Variants in C10orf67 observed in about 807,000 individuals in gnomAD.
C10orf67 encodes chromosome 10 open reading frame 67.
Under a neutral mutation model 35.6 loss-of-function variants are expected in C10orf67, and 60 were observed. The observed-to-expected ratio is 1.68, with a 90% confidence interval of 1.37 to 2.09. The LOEUF is 2.09. Ranked by LOEUF, C10orf67 falls within the 30% of genes most tolerant of loss-of-function variation. The pLI is 0.00. For synonymous variants in C10orf67, 167 were observed against 115.8 expected, an observed-to-expected ratio of 1.44 and a Z score of -2.84; for missense variants, 474 against 330.2, an observed-to-expected ratio of 1.44 and a Z score of -3.38.
chr10:23,322,676 A>C, intron 2 of C10orf67, 139 bp from the exon 3 acceptor site: 1 of 588,896 alleles, frequency 1.7e-6, no homozygotes, highest in Non-Finnish European at 3.0e-6. Context: ...ACTGGGGCCT[A>C]CTTACGGTGG....
intron 4 of C10orf67, among the ~76,000 whole-genome samples, chr10:23,305,620 C>T (rs1351189934): frequency 2.0e-5 from 3 of 152,046 alleles, no homozygotes; most frequent in Non-Finnish European, 4.4e-5. Flanking sequence ...GAGATATTAC[C>T]TCATTATGAT....
intron 5 of C10orf67, among the ~76,000 whole-genome samples, chr10:23,299,451 C>A (rs1843998565): frequency 1.3e-5 from 2 of 152,256 alleles, no homozygotes; most frequent in South Asian, 2.1e-4. Flanking sequence ...CAGGGGACAA[C>A]AAATGGGGTG....
At position 23,313,611 on chromosome 10, in the gene C10orf67, C is replaced by A. The variant is rs556816719; in HGVS notation, c.546+7130G>T. 2.0e-5 allele frequency among the ~76,000 whole-genome samples: 3 copies of A among 152,274 alleles called. No homozygotes were observed. The South Asian group carries it at 6.2e-4, about 32-fold the overall frequency. On this transcript the variant is annotated intron_variant, in intron 4 of 15. Transcript: ENST00000636213. ...TGTACTGGGTAAATGTGATACAATT[C>A]ACTGTAGCTATTATACAGCAGAGAA...
chr10:23,261,791 G>A (rs1050721502), intron 10 of C10orf67, among the ~76,000 whole-genome samples: 25 of 152,170 alleles, frequency 1.6e-4, no homozygotes, highest in African/African-American at 5.5e-4. Context: ...AGTAATAGAT[G>A]AATCAATAAG....
At chr10:23,325,547 C>CA (rs34391193) in intron 2 of C10orf67, among the ~76,000 whole-genome samples, 5 of 91,776 alleles carry the variant, frequency 5.4e-5, no homozygotes, top group East Asian at 1.3e-3. Context: ...AAAAAAAAAA[C>CA]AAAAAACAAA....
intron 9 of C10orf67, among the ~76,000 whole-genome samples, 156 bp from the exon 10 acceptor site, chr10:23,266,582 A>G (rs1271423284): frequency 2.0e-5 from 3 of 151,960 alleles, no homozygotes; most frequent in Admixed American, 6.6e-5. Flanking sequence ...CAGGCCCACA[A>G]TCTCCCCTGG....
In C10orf67 at chr10:23,337,126, T is replaced by TATGA. The variant is rs562404120; in HGVS notation, c.207-3948_207-3945dup. ...ATAGGAATCCATCAATCCATACTGATATGAATGAATGAATGAATGAATGAA... is the reference window on the plus strand; with the variant it reads ...ATAGGAATCCATCAATCCATACTGATATGAATGAATGAATGAATGAATGAATGAA... On this transcript the variant is annotated intron_variant, in intron 1 of 15. Transcript: ENST00000636213. Among the ~76,000 whole-genome samples the TATGA allele has an allele frequency of 6.2e-3, 951 of 152,188 alleles. 10 individuals are homozygous for TATGA. The highest frequency in any genetic ancestry group is 0.019 in the African/African-American group (771 of 41,522).
At chr10:23,322,686 G>C (rs1845007398) in intron 2 of C10orf67, 149 bp from the exon 3 acceptor site, 2 of 579,902 alleles carry the variant, frequency 3.4e-6, no homozygotes, top group Non-Finnish European at 6.1e-6. Context: ...ACTTACGGTG[G>C]TGAGCGGGAG....
chr10:23,212,943 G>A (rs991194977), intron 15 of C10orf67, among the ~76,000 whole-genome samples: 5 of 152,132 alleles, frequency 3.3e-5, no homozygotes, highest in Non-Finnish European at 5.9e-5. Flanking sequence ...TGATGAAACA[G>A]TATGACAAAG....
chr10:23,263,366 T>C (rs966400701), intron 10 of C10orf67, among the ~76,000 whole-genome samples: 2 of 152,190 alleles, frequency 1.3e-5, no homozygotes, highest in Non-Finnish European at 2.9e-5. Flanking sequence ...TATATACCTA[T>C]AGTAATAATT....
At chr10:23,284,299 C>T (rs1843462698) in intron 7 of C10orf67, among the ~76,000 whole-genome samples, 1 of 151,800 alleles carries the variant, frequency 6.6e-6, no homozygotes, top group Admixed American at 6.6e-5. Context: ...TCTGGAGCCA[C>T]ATCCAGTCAC....
intron 1 of C10orf67, among the ~76,000 whole-genome samples, chr10:23,342,240 A>ACT (rs1554819316): frequency 6.7e-5 from 10 of 149,144 alleles, no homozygotes; most frequent in East Asian, 2.0e-4. Context: ...ACACACACAC[A>ACT]CTCTCACACA....
At chr10:23,220,343 C>A (rs1455206189) in intron 15 of C10orf67, among the ~76,000 whole-genome samples, 1 of 152,132 alleles carries the variant, frequency 6.6e-6, no homozygotes, top group African/African-American at 2.4e-5. Context: ...AGGTATGTCA[C>A]ATATATGATC....
chr10:23,312,746 G>A (rs1327807153), intron 4 of C10orf67, among the ~76,000 whole-genome samples: 1 of 152,164 alleles, frequency 6.6e-6, no homozygotes, highest in Non-Finnish European at 1.5e-5. Context: ...AACGTTAAAT[G>A]TTGCTGGTAT....
chr10:23,332,968 A>C (rs1588708538), intron 2 of C10orf67, 94 bp downstream of exon 2: 1 of 1,297,012 alleles, frequency 7.7e-7, no homozygotes, highest in Non-Finnish European at 1.1e-6. Context: ...ACATTTTAAA[A>C]ATTTTAATTA....
chr10:23,263,480 A>C (rs1482854386), intron 10 of C10orf67, among the ~76,000 whole-genome samples: 1 of 152,170 alleles, frequency 6.6e-6, no homozygotes, highest in Non-Finnish European at 1.5e-5. Flanking sequence ...ACACTTCTTG[A>C]ATGTTTAAAA....
At chr10:23,292,475 T>G (rs1843751295) in intron 5 of C10orf67, among the ~76,000 whole-genome samples, 1 of 152,134 alleles carries the variant, frequency 6.6e-6, no homozygotes, top group Non-Finnish European at 1.5e-5. Context: ...AACTTATTCT[T>G]TTTACAGTAA....
intron 8 of C10orf67, among the ~76,000 whole-genome samples, chr10:23,272,034 A>G (rs1004421088): frequency 3.3e-5 from 5 of 152,128 alleles, no homozygotes; most frequent in Non-Finnish European, 4.4e-5. Context: ...CACCCACCTC[A>G]GCCTCTGAAG....
At chr10:23,319,021 A>T (rs1352172273) in intron 4 of C10orf67, 1 of 704,638 alleles carries the variant, frequency 1.4e-6, no homozygotes, top group Non-Finnish European at 2.6e-6. Flanking sequence ...TTTTTGTTTT[A>T]GGTTCAGAGG....
Sources: allele counts gnomAD v4.1 joint callset (sites outside exome capture counted in the v4.1 genomes callset), GRCh38; gene constraint gnomAD v4.1.1; transcripts MANE v1.5; gene names NCBI Gene and HGNC (gene_info 2026-07-23, HGNC 2026-07-21).